Variants in TMEM205 observed in about 807,000 individuals in gnomAD.
TMEM205 encodes the protein transmembrane protein 205, also known as MBC3205.
A neutral mutation model predicts 17.9 loss-of-function variants in TMEM205; 11 were observed. The ratio of observed to expected loss-of-function variants is 0.61; its 90% CI spans 0.39 to 1.02. The LOEUF (loss-of-function observed/expected upper bound fraction) is 1.02. Ranked by LOEUF, TMEM205 falls within the 50% of genes least tolerant of loss-of-function variation. The pLI, the probability that TMEM205 is intolerant of heterozygous loss-of-function variation, is 0.01. For synonymous variants in TMEM205, 86 were observed against 97.4 expected (o/e 0.88, Z 0.69); for missense variants, 236 against 239.4 (o/e 0.99, Z 0.09).
upstream of TMEM205, chr19:11,346,361 A>G: frequency 1.7e-6 from 1 of 589,996 alleles, no homozygotes. Flanking sequence ...CTGGGTATTG[A>G]CTAATCGTAG....
At chr19:11,346,404 CT>C, upstream of TMEM205, 1 of 641,434 alleles carries the variant, frequency 1.6e-6, no homozygotes, top group Non-Finnish European at 2.7e-6. Context: ...CCTCCACGGG[CT>C]TTTATCCAAT....
At position 11,342,946 on chromosome 19, in the gene TMEM205, C is replaced by T. The variant is rs1185160208; in HGVS notation, c.439G>A (p.Asp147Asn). ...TGGCGGAGAGCACTGTACTTGGGGT[C>T]CTTCTCTCGCAGCTGGCGGTAGGGA... Reference protein sequence around the residue: ...PDPYRQLREKDPKYSALRQNF... With the variant: ...PDPYRQLREKNPKYSALRQNF... The change falls in exon 3 of 3, where the codon GAC becomes AAC. Residue 147 changes from aspartate (D) to asparagine (N), a missense_variant. Asp to Asn is a conservative substitution (Grantham distance 23). Coordinates refer to ENST00000354882, the MANE Select transcript of TMEM205 (RefSeq NM_198536.3). 1 of 1,614,186 alleles carries T rather than the reference C, an allele frequency of 6.2e-7. No individual in the cohort carries two copies. The highest frequency in any genetic ancestry group is 1.3e-5 in the African/African-American group (1 of 75,042).
chr19:11,345,351 G>A lies in TMEM205; in HGVS notation c.165C>T (p.Pro55=). 2 of 1,614,206 alleles carry A rather than the reference G, an allele frequency of 1.2e-6. No individual in the cohort carries two copies. The highest frequency in any genetic ancestry group is 1.1e-5 in the South Asian group (1 of 91,084). Residue 55 remains proline (P), a synonymous_variant, in exon 2 of 3, where the codon CCC becomes CCT. Transcript: ENST00000354882. ...TFGLVQSKLF[P]FYFHISMGCA... ...AGCCCATGGAGATGTGGAAGTAGAAGGGGAAGAGTTTGCTCTGCACTAGTC... is the reference window on the plus strand; with the variant it reads ...AGCCCATGGAGATGTGGAAGTAGAAAGGGAAGAGTTTGCTCTGCACTAGTC...
intron 2 of TMEM205, 107 bp downstream of exon 2, chr19:11,345,145 C>T: frequency 2.4e-6 from 3 of 1,275,992 alleles, no homozygotes; most frequent in Non-Finnish European, 3.2e-6. Context: ...CGTGAGCCAC[C>T]ATGCCTAGCC....
At chr19:11,343,452 C>A (rs1967019351) in intron 2 of TMEM205, among the ~76,000 whole-genome samples, 1 of 152,220 alleles carries the variant, frequency 6.6e-6, no homozygotes. Flanking sequence ...AGCCCAGACG[C>A]CTGAAGCTGA....
Position 11,345,532 on chromosome 19 carries a change from T to C in TMEM205, c.88A>G (p.Thr30Ala). 1 of 1,614,020 alleles carries C rather than the reference T, an allele frequency of 6.2e-7. No homozygotes were observed. The change falls in exon 1 of 3, where the codon ACC becomes GCC. Residue 30 changes from threonine (T) to alanine (A), a missense_variant. Coordinates refer to ENST00000354882, the MANE Select transcript of TMEM205 (RefSeq NM_198536.3). Reference protein sequence around the residue: ...SGAWGMQMWVTFVSGFLLFRS... With the variant: ...SGAWGMQMWVAFVSGFLLFRS... ...TGAGGGTCCCTACCTGAGACGAAGG[T>C]CACCCACATTTGCATGCCCCAGGCA...
rs369071019 is a variant in TMEM205 at position 11,343,024 on chromosome 19, C to T, written c.361G>A (p.Glu121Lys). The T allele has an allele frequency of 6.2e-7, 1 of 1,614,172 alleles. No individual in the cohort carries two copies. Among genetic ancestry groups the T allele is most frequent in the Non-Finnish European group, 8.5e-7 (1 of 1,180,030 alleles). ...TCCCCACCCAGGCCTCGCTCCTTCT[C>T]CACGGTTTGCAGGGCCCACATGGCA... ...TAAMWALQTVEKERGLGGEVP... is the reference protein window; with the variant it reads ...TAAMWALQTVKKERGLGGEVP... Residue 121 changes from glutamate (E) to lysine (K), a missense_variant, in exon 3 of 3, where the codon GAG (glutamate) becomes AAG (lysine). Transcript: ENST00000354882.
chr19:11,345,147 T>C, intron 2 of TMEM205, 105 bp downstream of exon 2: 2 of 1,289,084 alleles, frequency 1.6e-6, no homozygotes, highest in Non-Finnish European at 2.1e-6. Flanking sequence ...TGAGCCACCA[T>C]GCCTAGCCTT....
At chr19:11,343,264 G>C (rs1967012756) in intron 2 of TMEM205, 144 bp from the exon 3 acceptor site, 1 of 840,228 alleles carries the variant, frequency 1.2e-6, no homozygotes, top group Non-Finnish European at 1.8e-6. Context: ...CTCTTTCCTT[G>C]AACCCAGACT....
chr19:11,343,112 C>G lies in TMEM205; in HGVS notation c.273G>C (p.Leu91=). ...TGGCCAGCGTAAGGCTCAGGAACAG[C>G]AGGTAAAGCTGGCAGGGAGAGCAGA... ...LTFWEASQLY[L]LFLSLTLATV... Residue 91 remains leucine, a synonymous_variant, in exon 3 of 3, where the codon CTG becomes CTC. Coordinates refer to ENST00000354882, the MANE Select transcript of TMEM205 (RefSeq NM_198536.3). 1 of 1,609,544 alleles carries G rather than the reference C, an allele frequency of 6.2e-7. No individual in the cohort carries two copies. The highest frequency in any genetic ancestry group is 1.3e-5 in the African/African-American group (1 of 74,624).
At chr19:11,345,182 G>A (rs1599369702) in intron 2 of TMEM205, 70 bp downstream of exon 2, 1 of 1,528,596 alleles carries the variant, frequency 6.5e-7, no homozygotes, top group Non-Finnish European at 8.9e-7. Flanking sequence ...TGGAAAAGGT[G>A]TAGCCATAGG....
In TMEM205 at chr19:11,345,168, C is replaced by G; in HGVS notation, c.264+84G>C. On this transcript the variant is annotated intron_variant, in intron 2 of 2. Transcript: ENST00000354882. ...ACCATGCCTAGCCTTTTTTTTTCCCCCCCTGGAAAAGGTGTAGCCATAGGC... is the reference window on the plus strand; with the variant it reads ...ACCATGCCTAGCCTTTTTTTTTCCCGCCCTGGAAAAGGTGTAGCCATAGGC... 3 of 1,443,152 alleles carry G rather than the reference C, an allele frequency of 2.1e-6. No individual in the cohort carries two copies. In the South Asian group the frequency reaches 4.0e-5, roughly 19 times the overall value. The allele number at this position is 1,443,152 out of a possible 1,614,324, so 89.4% of individuals were successfully genotyped here. A position where few individuals can be genotyped will look rare whatever the true frequency, so the allele number is the denominator to read the frequency against.
At chr19:11,343,464 A>G (rs1967019602) in intron 2 of TMEM205, among the ~76,000 whole-genome samples, 1 of 152,190 alleles carries the variant, frequency 6.6e-6, no homozygotes, top group Non-Finnish European at 1.5e-5. Context: ...TGAAGCTGAC[A>G]TTGGACCCAC....
At chr19:11,346,330 G>T, upstream of TMEM205, 1 of 537,882 alleles carries the variant, frequency 1.9e-6, no homozygotes, top group East Asian at 3.4e-5. Context: ...TCGTAGATCT[G>T]CACCTTTCTA....
At chr19:11,343,236 C>G (rs2147975858) in intron 2 of TMEM205, 116 bp from the exon 3 acceptor site, 1 of 1,093,436 alleles carries the variant, frequency 9.1e-7, no homozygotes, top group East Asian at 2.5e-5. Flanking sequence ...AGCACTGGAT[C>G]AAAAAACCTG....
intron 2 of TMEM205, chr19:11,344,856 C>CT (rs66600829): frequency 0.021 from 3,250 of 152,666 alleles, 41 homozygotes; most frequent in Middle Eastern, 0.065. Flanking sequence ...CTTTCCTTTC[C>CT]TTTTTTTTTT....
Position 11,345,328 on chromosome 19 carries a change from C to A in TMEM205, c.188G>T (p.Gly63Val), listed in dbSNP as rs142797501. The A allele has an allele frequency of 5.2e-4, 843 of 1,614,172 alleles. 5 individuals carry two copies. In the African/African-American group the frequency reaches 0.01, roughly 19 times the overall value. ...LFPFYFHISM[G>V]CAFINLCILA... The stretch of plus-strand genomic sequence containing the variant: ...GATGCAGAGGTTGATGAAGGCACAG[C>A]CCATGGAGATGTGGAAGTAGAAGGG... Residue 63 changes from glycine (G) to valine (V), a missense_variant, in exon 2 of 3, where the codon GGC (glycine) becomes GTC (valine). Physicochemically the swap from Gly to Val is moderately radical, Grantham distance 109. Coordinates refer to ENST00000354882, the MANE Select transcript of TMEM205 (RefSeq NM_198536.3).
upstream of TMEM205, chr19:11,346,451 G>A (rs1460456625): frequency 7.1e-6 from 6 of 841,498 alleles, no homozygotes; most frequent in African/African-American, 1.7e-5. Flanking sequence ...GAAGCGTGAA[G>A]GCGCCAATGA....
chr19:11,346,447 T>G (rs1568308400), upstream of TMEM205: 4 of 811,938 alleles, frequency 4.9e-6, no homozygotes, highest in African/African-American at 3.5e-5. Context: ...AGCTGAAGCG[T>G]GAAGGCGCCA....
Sources: gnomAD v4.1 joint callset for allele counts (sites outside exome capture counted in the v4.1 genomes callset) on GRCh38, gnomAD v4.1.1 for gene constraint, MANE v1.5 for transcripts, NCBI Gene and HGNC (gene_info 2026-07-23, HGNC 2026-07-21) for gene names.